The following PTPN21 variants were observed in gnomAD, a reference collection of about 807,000 sequenced individuals.
The protein encoded by PTPN21 is tyrosine-protein phosphatase non-receptor type 21.
A neutral mutation model predicts 131.8 loss-of-function variants in PTPN21; 77 were observed. The observed-to-expected ratio is 0.58, with a 90% confidence interval of 0.49 to 0.71. The LOEUF (loss-of-function observed/expected upper bound fraction) is 0.71, where lower values mean the gene tolerates loss of function less well. Ranked by LOEUF, PTPN21 falls within the 30% of genes least tolerant of loss-of-function variation. PTPN21 has a pLI of 0.00. For missense variants in PTPN21, 1,552 were observed against 1,527.1 expected, an observed-to-expected ratio of 1.02 and a Z score of -0.27; for synonymous variants, 715 against 621.3, an observed-to-expected ratio of 1.15 and a Z score of -2.24.
chr14:88,469,745 G>A lies in PTPN21; in HGVS notation c.3001-12C>T, dbSNP rs771170916. 3.1e-6 allele frequency: 5 copies of A among 1,613,308 alleles called. No individual in the cohort carries two copies. The highest frequency in any genetic ancestry group is 1.3e-5 in the African/African-American group (1 of 74,912). ...TCCCTTCCACCCTCCTGTTAAAGAT[G>A]AGCATGGTTAAATGACTCGAGATCC... is the stretch of plus-strand genomic sequence containing the variant. On this transcript the variant is annotated splice_polypyrimidine_tract_variant and intron_variant, in intron 16 of 18. Coordinates refer to ENST00000556564, the MANE Select transcript of PTPN21 (RefSeq NM_007039.4). The surrounding 1 kb of genome is among the most constrained non-coding windows in gnomAD (Gnocchi z 4.3).
At chr14:88,485,738 CAT>C in intron 11 of PTPN21, 42 bp downstream of exon 11, 1 of 1,390,110 alleles carries the variant, frequency 7.2e-7, no homozygotes, top group Middle Eastern at 1.8e-4. Context: ...TCAGGAAAAA[CAT>C]CACTAAAATA....
Position 88,500,784 on chromosome 14 carries a change from T to C in PTPN21, c.763A>G (p.Arg255Gly). 6.2e-7 allele frequency: 1 copy of C among 1,606,752 alleles called. No homozygotes were observed. Among genetic ancestry groups the C allele is most frequent in the Non-Finnish European group, 8.5e-7 (1 of 1,173,374 alleles). ...HKNGRHPVVF[R>G]WHDIANMSHN... is the part of the protein sequence containing the mutation. ...TACAAAAAGAGGTAAGAAAAATACC[T>C]AAATACCACAGGATGCCTTCCATTC... Residue 255 changes from arginine (R) to glycine (G), a missense_variant and splice_region_variant, in exon 8 of 19, where the codon AGG becomes GGG. This residue lies in a region of PTPN21 where 1,016 missense variants were observed against 883.5 expected (regional missense o/e 1.15). Transcript: ENST00000556564.
chr14:88,483,168 C>T (rs1489612519), intron 12 of PTPN21, among the ~76,000 whole-genome samples: 5 of 148,064 alleles, frequency 3.4e-5, no homozygotes, highest in Non-Finnish European at 7.4e-5. Flanking sequence ...GCCGAGATCG[C>T]GCCACTTCAC....
At chr14:88,472,542 T>G (rs1327366274) in intron 14 of PTPN21, 77 bp from the exon 15 acceptor site, 5 of 921,566 alleles carry the variant, frequency 5.4e-6, no homozygotes, top group Non-Finnish European at 8.4e-6. Flanking sequence ...ATTTGAAATC[T>G]TGTTTTCTGC....
At chr14:88,491,700 T>C (rs990311859) in intron 10 of PTPN21, among the ~76,000 whole-genome samples, 1 of 152,204 alleles carries the variant, frequency 6.6e-6, no homozygotes, top group African/African-American at 2.4e-5. Context: ...TGAAATATAT[T>C]AGTTCCCTAC....
At chr14:88,540,199 G>C (rs1314352754) in intron 2 of PTPN21, among the ~76,000 whole-genome samples, 1 of 152,162 alleles carries the variant, frequency 6.6e-6, no homozygotes, top group African/African-American at 2.4e-5. Flanking sequence ...ACAGAAAGTG[G>C]AAACGGCTAA....
chr14:88,508,396 G>C (rs1372512345), intron 3 of PTPN21, among the ~76,000 whole-genome samples: 1 of 152,040 alleles, frequency 6.6e-6, no homozygotes, highest in Non-Finnish European at 1.5e-5. Flanking sequence ...GGCAATCCTA[G>C]TGCTTGGATT....
chr14:88,468,803 G>A, intron 18 of PTPN21, 113 bp downstream of exon 18: 1 of 1,343,400 alleles, frequency 7.4e-7, no homozygotes, highest in South Asian at 1.3e-5. Context: ...AACATCTTGA[G>A]GCCACCACAG....
At chr14:88,543,280 T>C (rs1304498499) in intron 2 of PTPN21, among the ~76,000 whole-genome samples, 1 of 152,140 alleles carries the variant, frequency 6.6e-6, no homozygotes, top group African/African-American at 2.4e-5. Flanking sequence ...AAGTATCTGT[T>C]CAAAGTCCAG....
In PTPN21 at chr14:88,550,576, A is replaced by T. The variant is rs2078851244; in HGVS notation, c.-159T>A. Reference sequence around the variant, plus strand: ...CAGCCGCTGCCGCCATTAAAAAGCAACGGAGTCTCCAATGGCCCGAGGAAG... The same window carrying T: ...CAGCCGCTGCCGCCATTAAAAAGCATCGGAGTCTCCAATGGCCCGAGGAAG... On this transcript the variant is annotated 5_prime_UTR_variant, in exon 2 of 19. In the 5' UTR this introduces an upstream ATG that the reference lacks. Coordinates refer to ENST00000556564, the MANE Select transcript of PTPN21 (RefSeq NM_007039.4). The T allele has an allele frequency of 5.7e-6, 4 of 706,118 alleles. No homozygotes were observed. The highest frequency in any genetic ancestry group is 9.2e-6 in the Non-Finnish European group (4 of 435,560). 43.7% of individuals were successfully genotyped at this position (706,118 alleles called of 1,614,324 possible).
rs145902164 is a variant in PTPN21, at chr14:88,516,073, G to A, written c.350+1019C>T. 4.5e-3 allele frequency among the ~76,000 whole-genome samples: 690 copies of A among 152,220 alleles called. 3 individuals carry two copies. Among genetic ancestry groups the A allele is most frequent in the Non-Finnish European group, 7.0e-3 (474 of 68,006 alleles). ...GTACCAGGTTCTTACTATCTGCAAG[G>A]CACTGTGTAAGATATCATTAAGTAA... On this transcript the variant is annotated intron_variant, in intron 3 of 18. Transcript: ENST00000556564.
chr14:88,518,177 T>C (rs1359864551), intron 2 of PTPN21, among the ~76,000 whole-genome samples: 1 of 126,132 alleles, frequency 7.9e-6, no homozygotes, highest in Non-Finnish European at 1.6e-5. Context: ...TTTGCTGTTG[T>C]TCTTCTGGGC....
chr14:88,540,855 G>A (rs1241935407), intron 2 of PTPN21, among the ~76,000 whole-genome samples: 1 of 151,938 alleles, frequency 6.6e-6, no homozygotes, highest in Non-Finnish European at 1.5e-5. Flanking sequence ...TATAGATAGG[G>A]TCTCACTATG....
chr14:88,508,398 G>A (rs2078130109), intron 3 of PTPN21, among the ~76,000 whole-genome samples: 1 of 152,078 alleles, frequency 6.6e-6, no homozygotes, highest in African/African-American at 2.4e-5. Flanking sequence ...CAATCCTAGT[G>A]CTTGGATTCA....
intron 2 of PTPN21, among the ~76,000 whole-genome samples, chr14:88,539,024 A>C (rs1267189167): frequency 6.6e-6 from 1 of 151,690 alleles, no homozygotes; most frequent in Non-Finnish European, 1.5e-5. Context: ...AGTAGAGGAG[A>C]TCCTACACTT....
chr14:88,482,967 C>T (rs1449355286), intron 12 of PTPN21, among the ~76,000 whole-genome samples: 1 of 151,986 alleles, frequency 6.6e-6, no homozygotes, highest in Non-Finnish European at 1.5e-5. Flanking sequence ...GTAATCCCCA[C>T]TTTGGAAGGC....
intron 3 of PTPN21, chr14:88,515,065 T>G (rs2078246313): frequency 1.3e-5 from 2 of 152,296 alleles, no homozygotes; most frequent in South Asian, 4.2e-4. Flanking sequence ...GGTAACCTAG[T>G]GCATGGGAAG....
intron 2 of PTPN21, among the ~76,000 whole-genome samples, chr14:88,528,038 T>A (rs528937451): frequency 6.6e-6 from 1 of 152,336 alleles, no homozygotes; most frequent in South Asian, 2.1e-4. Flanking sequence ...CCATGCTGTT[T>A]TGGTAACTAT....
chr14:88,499,177 CGA>C (rs2077970314), intron 8 of PTPN21, among the ~76,000 whole-genome samples: 1 of 152,068 alleles, frequency 6.6e-6, no homozygotes, highest in Non-Finnish European at 1.5e-5. Context: ...GGCTTGGGGA[CGA>C]GAGAGCAACT....
Sources: gnomAD v4.1 joint callset for allele counts (sites outside exome capture counted in the v4.1 genomes callset) on GRCh38, gnomAD v4.1.1 for gene constraint, gnomAD v4.1.1 regional missense constraint, Gnocchi (gnomAD v3.1) non-coding constraint, MANE v1.5 for transcripts, NCBI Gene and HGNC (gene_info 2026-07-23, HGNC 2026-07-21) for gene names.